Variants in HIVEP3 observed in about 807,000 individuals in gnomAD.
The protein encoded by HIVEP3 is HIVEP zinc finger 3.
Under a neutral mutation model 152.8 loss-of-function variants are expected in HIVEP3, and 49 were observed. The observed-to-expected ratio is 0.32, with a 90% CI of 0.26 to 0.41. HIVEP3 has a LOEUF of 0.41. Ranked by LOEUF, HIVEP3 falls within the 10% of genes least tolerant of loss-of-function variation. The pLI is 1.00. For missense variants in HIVEP3, 2,790 were observed against 3,103.3 expected (o/e 0.90, Z 2.40); for synonymous variants, 1,269 against 1,289.0 (o/e 0.98, Z 0.33).
Position 41,770,529 on chromosome 1 carries a change from A to T in HIVEP3, c.-800-69534T>A, listed in dbSNP as rs189405594. 4.6e-5 allele frequency among the ~76,000 whole-genome samples: 7 copies of T among 152,302 alleles called. No homozygotes were observed. In the East Asian group the frequency reaches 1.4e-3, roughly 29 times the overall value. ...CCACCTTAGCCAAGTGATTAACATA[A>T]TGAGCAATAAATATTATTGTTGTCA... is the stretch of plus-strand genomic sequence containing the variant. On this transcript the variant is annotated intron_variant, in intron 1 of 8. Transcript: ENST00000372583.
intron 1 of HIVEP3, among the ~76,000 whole-genome samples, chr1:41,719,716 C>G (rs1037765796): frequency 2.0e-5 from 3 of 152,194 alleles, no homozygotes; most frequent in Non-Finnish European, 2.9e-5. Context: ...GACACGGTGA[C>G]CAGGCTCCAG....
At chr1:41,599,500 T>C (rs1464289332) in intron 3 of HIVEP3, among the ~76,000 whole-genome samples, 1 of 152,108 alleles carries the variant, frequency 6.6e-6, no homozygotes, top group Middle Eastern at 3.2e-3. Flanking sequence ...GGAGAGGATA[T>C]TTGCAACACA....
intron 1 of HIVEP3, among the ~76,000 whole-genome samples, chr1:41,832,147 T>G (rs147729641): frequency 1.3e-5 from 2 of 152,302 alleles, no homozygotes; most frequent in African/African-American, 4.8e-5. Context: ...GGCTTTCAGT[T>G]GTAAAAGTAC....
intron 2 of HIVEP3, among the ~76,000 whole-genome samples, chr1:41,645,571 T>C (rs1290490082): frequency 6.6e-6 from 1 of 152,232 alleles, no homozygotes; most frequent in Non-Finnish European, 1.5e-5. Flanking sequence ...ATCCCCTGCA[T>C]AGTATGTATC....
intron 3 of HIVEP3, among the ~76,000 whole-genome samples, chr1:41,593,006 C>T (rs1003892096): frequency 2.0e-5 from 3 of 152,208 alleles, no homozygotes; most frequent in East Asian, 1.9e-4. Flanking sequence ...TCATCAATCC[C>T]CAAATCTGGT....
rs188618930 is a variant in HIVEP3, at chr1:41,529,490, A to G, written c.5208-4580T>C. Among the ~76,000 whole-genome samples the G allele has an allele frequency of 5.5e-3, 359 of 65,428 alleles. 6 individuals carry two copies. Among genetic ancestry groups the G allele is most frequent in the African/African-American group, 0.021 (338 of 16,264 alleles). 42.9% of individuals were successfully genotyped at this position (65,428 alleles called of 152,430 possible). ...CCAAACTCACACCCCATACTCACAT[A>G]CTCCACACCCCATCCTCACACTTAT... On this transcript the variant is annotated intron_variant, in intron 5 of 8. Coordinates refer to ENST00000372583, the MANE Select transcript of HIVEP3 (RefSeq NM_024503.5).
At chr1:41,811,399 C>T (rs1161887331) in intron 1 of HIVEP3, among the ~76,000 whole-genome samples, 3 of 151,520 alleles carry the variant, frequency 2.0e-5, no homozygotes, top group South Asian at 4.2e-4. Context: ...TGGTGTTAAC[C>T]TTGGGTTTTA....
intron 5 of HIVEP3, among the ~76,000 whole-genome samples, chr1:41,567,035 T>C (rs1039826240): frequency 1.3e-5 from 2 of 152,176 alleles, no homozygotes; most frequent in African/African-American, 4.8e-5. Flanking sequence ...AATTGCCAAA[T>C]GTCTCCCTGA....
chr1:41,756,218 C>A (rs568002713), intron 1 of HIVEP3, among the ~76,000 whole-genome samples: 8 of 152,270 alleles, frequency 5.3e-5, no homozygotes, highest in Non-Finnish European at 1.0e-4. Context: ...AAAAGGTCAT[C>A]TAATGTATGA....
At chr1:41,799,251 T>C (rs547588030) in intron 1 of HIVEP3, among the ~76,000 whole-genome samples, 2 of 152,322 alleles carry the variant, frequency 1.3e-5, no homozygotes, top group Non-Finnish European at 2.9e-5. Flanking sequence ...TCAGTAGGCA[T>C]GTGAGCCCTT....
chr1:41,575,913 C>T (rs1164413016), intron 4 of HIVEP3, among the ~76,000 whole-genome samples: 18 of 152,216 alleles, frequency 1.2e-4, no homozygotes, highest in Admixed American at 1.1e-3. Context: ...GTTGGTGTTA[C>T]AGCTGGAACC....
intron 1 of HIVEP3, among the ~76,000 whole-genome samples, chr1:41,973,984 C>T (rs72672705): frequency 1.3e-3 from 198 of 152,258 alleles, no homozygotes; most frequent in Admixed American, 5.2e-3. Context: ...GGACAGAGGG[C>T]ATGCAAGGTG....
At chr1:41,610,581 C>G (rs1644883042) in intron 3 of HIVEP3, among the ~76,000 whole-genome samples, 1 of 152,210 alleles carries the variant, frequency 6.6e-6, no homozygotes, top group South Asian at 2.1e-4. Flanking sequence ...GCTAACAGCA[C>G]TGCTCCTGAA....
chr1:41,530,233 G>A (rs1643204845), intron 5 of HIVEP3, among the ~76,000 whole-genome samples: 1 of 152,210 alleles, frequency 6.6e-6, no homozygotes, highest in African/African-American at 2.4e-5. Context: ...CCTTTCCACG[G>A]GATCCAGGAC....
At chr1:41,660,885 G>A (rs1645701418) in intron 2 of HIVEP3, among the ~76,000 whole-genome samples, 1 of 152,198 alleles carries the variant, frequency 6.6e-6, no homozygotes, top group African/African-American at 2.4e-5. Flanking sequence ...ACAGCTTTCA[G>A]AACTAACAAT....
intron 1 of HIVEP3, among the ~76,000 whole-genome samples, chr1:41,736,240 G>C (rs188487753): frequency 1.3e-5 from 2 of 152,164 alleles, no homozygotes; most frequent in Non-Finnish European, 2.9e-5. Flanking sequence ...TCGTTCTGGG[G>C]GAAACCTGAA....
At chr1:41,639,021 A>C (rs1421096748) in intron 2 of HIVEP3, among the ~76,000 whole-genome samples, 2 of 152,076 alleles carry the variant, frequency 1.3e-5, no homozygotes, top group Non-Finnish European at 2.9e-5. Flanking sequence ...CACCCTCCTG[A>C]CACCCTCCTG....
intron 2 of HIVEP3, among the ~76,000 whole-genome samples, chr1:41,695,687 A>C (rs1646263099): frequency 6.6e-6 from 1 of 152,224 alleles, no homozygotes; most frequent in Non-Finnish European, 1.5e-5. Context: ...TATGGGCTTC[A>C]TCCTGTGGGC....
chr1:41,646,728 G>A (rs539241009), intron 2 of HIVEP3, among the ~76,000 whole-genome samples: 1 of 152,306 alleles, frequency 6.6e-6, no homozygotes, highest in East Asian at 1.9e-4. Context: ...CAGCCTCCCT[G>A]TTGTACTGCA....
Sources: gnomAD v4.1 joint callset for allele counts (sites outside exome capture counted in the v4.1 genomes callset) on GRCh38, gnomAD v4.1.1 for gene constraint, MANE v1.5 for transcripts, NCBI Gene and HGNC (gene_info 2026-07-23, HGNC 2026-07-21) for gene names.